MAP4K5: variants seen among roughly 807,000 people sequenced by gnomAD.
MAP4K5 encodes MAPK/ERK kinase kinase kinase 5.
In MAP4K5, 82 loss-of-function variants were observed where a neutral mutation model predicts 135.6. That is an observed-to-expected ratio of 0.60 (90% CI 0.51 to 0.73). MAP4K5 has a LOEUF of 0.73. MAP4K5 is among the 30% of genes least tolerant of loss of function. The pLI is 0.00. For synonymous variants in MAP4K5, 347 were observed against 335.0 expected (o/e 1.04, Z -0.39); for missense variants, 907 against 1,010.9 (o/e 0.90, Z 1.39).
At chr14:50,528,123 C>T (rs2038307185) in intron 2 of MAP4K5, among the ~76,000 whole-genome samples, 2 of 152,074 alleles carry the variant, frequency 1.3e-5, no homozygotes, top group South Asian at 4.1e-4. Flanking sequence ...ATCCACCATC[C>T]ACCAAATTCC....
intron 13 of MAP4K5, among the ~76,000 whole-genome samples, chr14:50,457,897 T>C (rs2036625449): frequency 6.6e-6 from 1 of 152,220 alleles, no homozygotes; most frequent in South Asian, 2.1e-4. Context: ...AAATTCCCTT[T>C]GCCCCACTGT....
chr14:50,428,041 TAA>T (rs1454003398), intron 30 of MAP4K5, among the ~76,000 whole-genome samples: 2 of 152,200 alleles, frequency 1.3e-5, no homozygotes, highest in Non-Finnish European at 2.9e-5. Flanking sequence ...ACAGAAATGT[TAA>T]AAGTGATTAC....
intron 11 of MAP4K5, among the ~76,000 whole-genome samples, chr14:50,465,338 T>C (rs185708125): frequency 6.6e-6 from 1 of 152,324 alleles, no homozygotes; most frequent in African/African-American, 2.4e-5. Context: ...TAAGGAATTC[T>C]AGAATTTAAG....
At chr14:50,466,484 G>A (rs939332143) in intron 11 of MAP4K5, 99 bp downstream of exon 11, 1 of 485,382 alleles carries the variant, frequency 2.1e-6, no homozygotes, top group South Asian at 2.8e-5. Context: ...ACTGCTTAAT[G>A]TCTATGGACT....
At position 50,445,859 on chromosome 14, in the gene MAP4K5, C is replaced by T. The variant is rs529932824; in HGVS notation, c.1185+220G>A. On this transcript the variant is annotated intron_variant, in intron 17 of 32. Coordinates refer to ENST00000682126, the MANE Select transcript of MAP4K5 (RefSeq NM_006575.6). ...TGGGATTATATGCGTGAGCCACCAA[C>T]CACGCCTGGCCGCCTTTTTCTAATA... 3.3e-5 allele frequency among the ~76,000 whole-genome samples: 5 copies of T among 152,212 alleles called. No individual in the cohort carries two copies. In the South Asian group the frequency reaches 1.0e-3, roughly 32 times the overall value.
intron 1 of MAP4K5, among the ~76,000 whole-genome samples, chr14:50,558,865 GC>G (rs1316129193): frequency 1.3e-5 from 2 of 152,210 alleles, no homozygotes; most frequent in African/African-American, 2.4e-5. Flanking sequence ...ACTCTGTTGA[GC>G]ACAGACTTCT....
At chr14:50,429,357 T>A (rs2035920876) in intron 28 of MAP4K5, 97 bp from the exon 29 acceptor site, 1 of 692,354 alleles carries the variant, frequency 1.4e-6, no homozygotes, top group East Asian at 2.8e-5. Flanking sequence ...TTAAAATTGA[T>A]CTTTGAAATT....
chr14:50,516,467 G>A (rs1480903777), intron 2 of MAP4K5, among the ~76,000 whole-genome samples: 1 of 152,208 alleles, frequency 6.6e-6, no homozygotes, highest in East Asian at 1.9e-4. Context: ...CTGAACGCAG[G>A]CAGGTGGATG....
intron 1 of MAP4K5, 40 bp from the exon 2 acceptor site, chr14:50,532,198 C>T: frequency 1.7e-6 from 1 of 590,564 alleles, no homozygotes; most frequent in Non-Finnish European, 3.0e-6. Flanking sequence ...GCGTCGCAGG[C>T]TACGACCCCC....
intron 1 of MAP4K5, among the ~76,000 whole-genome samples, chr14:50,558,726 G>A (rs1241668881): frequency 6.6e-6 from 1 of 152,186 alleles, no homozygotes; most frequent in Non-Finnish European, 1.5e-5. Context: ...AATGTAAGCT[G>A]AGAATGATAG....
At chr14:50,519,456 A>G (rs1280348222) in intron 2 of MAP4K5, among the ~76,000 whole-genome samples, 2 of 152,080 alleles carry the variant, frequency 1.3e-5, no homozygotes, top group African/African-American at 4.8e-5. Flanking sequence ...GGAGTTTGAG[A>G]CAAGCCTGGC....
intron 1 of MAP4K5, 72 bp from the exon 2 acceptor site, chr14:50,532,230 C>T: frequency 3.6e-6 from 2 of 558,136 alleles, no homozygotes; most frequent in South Asian, 4.3e-5. Flanking sequence ...CCCTCGCGGC[C>T]CGGCCCCTTC....
At chr14:50,509,504 T>C (rs2037885690) in intron 2 of MAP4K5, among the ~76,000 whole-genome samples, 1 of 152,178 alleles carries the variant, frequency 6.6e-6, no homozygotes, top group African/African-American at 2.4e-5. Context: ...GTGATAATTT[T>C]CAATGTAACA....
At chr14:50,494,599 AAG>A (rs1399028026) in intron 3 of MAP4K5, among the ~76,000 whole-genome samples, 4 of 152,230 alleles carry the variant, frequency 2.6e-5, no homozygotes, top group Non-Finnish European at 5.9e-5. Flanking sequence ...ATAAAATTTT[AAG>A]AGACTCTCCA....
At chr14:50,444,907 A>G in intron 18 of MAP4K5, 134 bp downstream of exon 18, 1 of 953,056 alleles carries the variant, frequency 1.0e-6, no homozygotes, top group South Asian at 1.9e-5. Context: ...CTATAATAGG[A>G]TTGACTAAAT....
intron 31 of MAP4K5, among the ~76,000 whole-genome samples, chr14:50,423,520 G>T (rs1400949474): frequency 6.6e-6 from 1 of 151,968 alleles, no homozygotes; most frequent in Non-Finnish European, 1.5e-5. Flanking sequence ...AGGTTTGTTG[G>T]ACTGCAGAGC....
intron 18 of MAP4K5, 58 bp downstream of exon 18, chr14:50,444,983 C>A: frequency 6.6e-7 from 1 of 1,514,682 alleles, no homozygotes; most frequent in South Asian, 1.3e-5. Context: ...GATTTATTCA[C>A]CCAGATAACA....
chr14:50,473,625 C>T (rs2037022236), intron 9 of MAP4K5, among the ~76,000 whole-genome samples: 2 of 151,670 alleles, frequency 1.3e-5, no homozygotes, highest in Admixed American at 1.3e-4. Context: ...TTAAATCTAT[C>T]AGCATTTCCT....
chr14:50,480,326 T>C (rs1383792820), intron 6 of MAP4K5, among the ~76,000 whole-genome samples: 6 of 152,080 alleles, frequency 3.9e-5, no homozygotes, highest in East Asian at 1.9e-4. Context: ...CTCTGTTATA[T>C]TAAAATATAA....
Sources: allele counts gnomAD v4.1 joint callset (sites outside exome capture counted in the v4.1 genomes callset), GRCh38; gene constraint gnomAD v4.1.1; transcripts MANE v1.5; gene names NCBI Gene and HGNC (gene_info 2026-07-23, HGNC 2026-07-21).